The following IL23R variants were observed in gnomAD, a reference collection of about 807,000 sequenced individuals.
IL23R encodes the protein interleukin 23 receptor, also known as interleukin-23 receptor.
A neutral mutation model predicts 56.9 loss-of-function variants in IL23R; 34 were observed. That is an observed-to-expected ratio of 0.60 (90% CI 0.45 to 0.80). IL23R has a LOEUF of 0.80. Ranked by LOEUF, IL23R falls within the 30% of genes least tolerant of loss-of-function variation. The pLI, the probability that IL23R is intolerant of heterozygous loss-of-function variation, is 0.00. For synonymous variants in IL23R, 230 were observed against 249.2 expected (o/e 0.92, Z 0.73); for missense variants, 635 against 730.0 (o/e 0.87, Z 1.50).
intron 6 of IL23R, among the ~76,000 whole-genome samples, chr1:67,218,951 A>G (rs1232510030): frequency 6.6e-6 from 1 of 151,154 alleles, no homozygotes; most frequent in African/African-American, 2.4e-5. Flanking sequence ...AATAAAAAAT[A>G]TATATATACA....
At chr1:67,144,871 C>G (rs7520567) in intron 1 of IL23R, among the ~76,000 whole-genome samples, 6 of 152,194 alleles carry the variant, frequency 3.9e-5, no homozygotes, top group Admixed American at 3.9e-4. Flanking sequence ...TCACTCTGAT[C>G]TATCTCTGAA....
intron 3 of IL23R, among the ~76,000 whole-genome samples, chr1:67,174,816 G>A (rs552301902): frequency 1.3e-5 from 2 of 152,166 alleles, no homozygotes; most frequent in African/African-American, 4.8e-5. Context: ...AGTCTGCTAG[G>A]TATTGTTTTC....
At chr1:67,250,797 T>C (rs1381596783) in intron 9 of IL23R, among the ~76,000 whole-genome samples, 2 of 152,178 alleles carry the variant, frequency 1.3e-5, no homozygotes, top group South Asian at 2.1e-4. Context: ...AGTTGTAGGA[T>C]TTTTCATTTG....
intron 7 of IL23R, among the ~76,000 whole-genome samples, chr1:67,227,954 CT>C (rs113091850): frequency 0.027 from 1,595 of 59,334 alleles, 301 homozygotes; most frequent in African/African-American, 0.1. Context: ...TTCTTTCTTT[CT>C]TTCTTTCTTT....
At chr1:67,187,466 CTA>C (rs1647422343) in intron 4 of IL23R, among the ~76,000 whole-genome samples, 1 of 152,080 alleles carries the variant, frequency 6.6e-6, no homozygotes, top group African/African-American at 2.4e-5. Context: ...TTTTATATGA[CTA>C]TGTATTATAT....
chr1:67,237,791 C>T (rs529687114), intron 8 of IL23R, among the ~76,000 whole-genome samples: 148 of 152,286 alleles, frequency 9.7e-4, no homozygotes, highest in Non-Finnish European at 1.5e-3. Flanking sequence ...CACTGACAGA[C>T]CATTTATCTC....
intron 7 of IL23R, among the ~76,000 whole-genome samples, chr1:67,229,770 T>C (rs769880099): frequency 6.6e-6 from 1 of 152,240 alleles, no homozygotes; most frequent in Non-Finnish European, 1.5e-5. Flanking sequence ...CGTAATATTA[T>C]AGTAACCTGT....
chr1:67,165,111 AAAT>A (rs1156231378), upstream of IL23R, among the ~76,000 whole-genome samples: 2 of 152,142 alleles, frequency 1.3e-5, no homozygotes, highest in Admixed American at 1.3e-4. Context: ...CAGGAAGCTG[AAAT>A]GGGAGGATCA....
At chr1:67,143,273 A>T (rs1382692313) in intron 1 of IL23R, among the ~76,000 whole-genome samples, 1 of 152,200 alleles carries the variant, frequency 6.6e-6, no homozygotes, top group Non-Finnish European at 1.5e-5. Flanking sequence ...CTTTGAAAGT[A>T]AAATTAAAGG....
chr1:67,158,267 G>A (rs537827367), intron 1 of IL23R, among the ~76,000 whole-genome samples: 1 of 152,208 alleles, frequency 6.6e-6, no homozygotes, highest in East Asian at 1.9e-4. Flanking sequence ...TAAAAGTAAT[G>A]TAGGACAGGT....
intron 6 of IL23R, among the ~76,000 whole-genome samples, chr1:67,213,329 C>G (rs1022937969): frequency 6.6e-6 from 1 of 152,146 alleles, no homozygotes; most frequent in Non-Finnish European, 1.5e-5. Context: ...TCACTAAATG[C>G]TAGCTAGTAA....
rs1437094306 is a variant in IL23R at position 67,200,736 on chromosome 1, G to C, written c.492-1G>C. 6.2e-7 allele frequency: 1 copy of C among 1,610,618 alleles called. No individual in the cohort carries two copies. Among genetic ancestry groups the C allele is most frequent in the East Asian group, 2.2e-5 (1 of 44,848 alleles). On this transcript the variant is annotated splice_acceptor_variant, in intron 4 of 10. Coordinates refer to ENST00000347310, the MANE Select transcript of IL23R (RefSeq NM_144701.3). LOFTEE classifies it high-confidence loss of function. ...TGATCATCTTTTTTTTTTGTTTTAA[G>C]TTTAGAGACAGAAGAAGAGCAACAG...
intron 6 of IL23R, among the ~76,000 whole-genome samples, chr1:67,212,026 C>T (rs895158039): frequency 3.9e-5 from 6 of 152,100 alleles, no homozygotes; most frequent in Non-Finnish European, 7.3e-5. Context: ...AACTAAGTGC[C>T]TCTCACAGAC....
intron 8 of IL23R, 76 bp downstream of exon 8, chr1:67,236,878 C>T: frequency 2.1e-6 from 2 of 932,822 alleles, no homozygotes; most frequent in Non-Finnish European, 3.6e-6. Context: ...CTGAAAAAAT[C>T]ACATCAGGTG....
chr1:67,150,185 T>C (rs1039019994), intron 1 of IL23R, among the ~76,000 whole-genome samples: 8 of 151,808 alleles, frequency 5.3e-5, no homozygotes, highest in African/African-American at 1.9e-4. Context: ...GTCTCTCCTC[T>C]GAATTCCAGG....
chr1:67,166,329 C>G (rs541128139), upstream of IL23R: 19 of 152,432 alleles, frequency 1.2e-4, no homozygotes, highest in African/African-American at 4.3e-4. Flanking sequence ...AATAGTGACA[C>G]GAGAGCCAGT....
chr1:67,151,737 G>T (rs1646730088), intron 1 of IL23R, among the ~76,000 whole-genome samples: 1 of 152,072 alleles, frequency 6.6e-6, no homozygotes, highest in Non-Finnish European at 1.5e-5. Context: ...TTTTTGTCAC[G>T]TTTGTCGAAG....
At chr1:67,191,822 C>A (rs1053060688) in intron 4 of IL23R, among the ~76,000 whole-genome samples, 1 of 152,166 alleles carries the variant, frequency 6.6e-6, no homozygotes, top group African/African-American at 2.4e-5. Context: ...TAATGTAGCT[C>A]TTCACTTCCT....
At chr1:67,214,184 T>C (rs748571814) in intron 6 of IL23R, among the ~76,000 whole-genome samples, 6 of 152,276 alleles carry the variant, frequency 3.9e-5, no homozygotes, top group Non-Finnish European at 7.4e-5. Flanking sequence ...CCCATCTCTA[T>C]AAAAAGAAAG....
Sources: allele counts gnomAD v4.1 joint callset (sites outside exome capture counted in the v4.1 genomes callset), GRCh38; gene constraint gnomAD v4.1.1; transcripts MANE v1.5; gene names NCBI Gene and HGNC (gene_info 2026-07-23, HGNC 2026-07-21).